PALD1: variants seen among roughly 807,000 people sequenced by gnomAD.
PALD1 encodes phosphatase domain containing paladin 1, also known as paladin.
In PALD1, 57 loss-of-function variants were observed where a neutral mutation model predicts 96.0. The observed-to-expected ratio is 0.59, with a 90% CI of 0.48 to 0.74. The LOEUF is 0.74. Among genes scored for constraint, PALD1 ranks in the 30% least tolerant of loss-of-function variants. PALD1 has a pLI of 0.00. For synonymous variants in PALD1, 464 were observed against 473.6 expected, an observed-to-expected ratio of 0.98 and a Z score of 0.26; for missense variants, 1,063 against 1,143.7, an observed-to-expected ratio of 0.93 and a Z score of 1.02.
At chr10:70,520,691 T>TTC (rs1846715490) in intron 1 of PALD1, among the ~76,000 whole-genome samples, 1 of 135,716 alleles carries the variant, frequency 7.4e-6, no homozygotes, top group Non-Finnish European at 1.6e-5. Context: ...CTTTCTTTTT[T>TTC]TTTTTTTTTT....
chr10:70,468,037 T>A, the PALD1 span, among the ~76,000 whole-genome samples: 1 of 152,138 alleles, frequency 6.6e-6, no homozygotes, highest in African/African-American at 2.4e-5. Context: ...TTATCCCATT[T>A]TACAGATGAA....
intron 1 of PALD1, among the ~76,000 whole-genome samples, chr10:70,525,578 G>A (rs1485133226): frequency 6.6e-6 from 1 of 151,952 alleles, no homozygotes; most frequent in Non-Finnish European, 1.5e-5. Context: ...TATACCACCT[G>A]AAATAGTCAC....
Position 70,499,740 on chromosome 10 carries a change from G to T in PALD1, c.-30+20681G>T, listed in dbSNP as rs112541383. Among the ~76,000 whole-genome samples, 1,339 of 152,314 alleles carry T rather than the reference G, an allele frequency of 8.8e-3. 19 individuals carry two copies. Among genetic ancestry groups the T allele is most frequent in the African/African-American group, 0.031 (1,297 of 41,572 alleles). On this transcript the variant is annotated intron_variant, in intron 1 of 19. Transcript: ENST00000263563. ...GGAGAGCCACAGCTGGCAGGTGCAG[G>T]TTCATTCTTGTGGGTTTTGTTTTGC...
intron 8 of PALD1, 54 bp downstream of exon 8, chr10:70,534,127 A>G (rs1044142805): frequency 5.4e-6 from 8 of 1,482,704 alleles, no homozygotes; most frequent in African/African-American, 1.4e-5. Context: ...AGGAGGGGAC[A>G]GGCTGCCCCA....
chr10:70,546,285 T>G lies in PALD1; in HGVS notation c.2122-1021T>G, dbSNP rs1011346436. 1.4e-4 allele frequency among the ~76,000 whole-genome samples: 21 copies of G among 152,172 alleles called. 1 individual carries two copies. The highest frequency in any genetic ancestry group is 5.1e-4 in the African/African-American group (21 of 41,436). ...CAAAAATAAGCACCTTAGATCAGCT[T>G]AACATTCCATGGGTGCATTGGGGTG... On this transcript the variant is annotated intron_variant, in intron 17 of 19. Coordinates refer to ENST00000263563, the MANE Select transcript of PALD1 (RefSeq NM_014431.3).
At chr10:70,500,081 C>A (rs142961692) in intron 1 of PALD1, among the ~76,000 whole-genome samples, 115 of 152,304 alleles carry the variant, frequency 7.6e-4, no homozygotes, top group Non-Finnish European at 1.4e-3. Context: ...CAGTCAGGGG[C>A]ATCAGGCTGG....
chr10:70,518,392 T>C (rs1447927057), intron 1 of PALD1, among the ~76,000 whole-genome samples: 1 of 152,210 alleles, frequency 6.6e-6, no homozygotes, highest in Non-Finnish European at 1.5e-5. Context: ...GAGAAGGGTA[T>C]GTCTCCATTA....
intron 4 of PALD1, among the ~76,000 whole-genome samples, chr10:70,530,567 G>A (rs778782125): frequency 1.9e-4 from 29 of 152,194 alleles, no homozygotes; most frequent in Admixed American, 5.2e-4. Context: ...ATTCCCAAGT[G>A]CCTGCTTTCA....
intron 2 of PALD1, among the ~76,000 whole-genome samples, chr10:70,528,547 G>A (rs1376720786): frequency 2.0e-5 from 3 of 152,210 alleles, no homozygotes; most frequent in South Asian, 2.1e-4. Context: ...CCAAGCCTGC[G>A]TTCTAAACCA....
intron 4 of PALD1, 67 bp from the exon 5 acceptor site, chr10:70,531,223 G>C: frequency 1.5e-6 from 2 of 1,363,286 alleles, no homozygotes. Context: ...CCCTGAGGTG[G>C]GGCAGTGGTG....
At chr10:70,549,256 C>T (rs1013680019) in intron 18 of PALD1, among the ~76,000 whole-genome samples, 9 of 152,144 alleles carry the variant, frequency 5.9e-5, no homozygotes, top group African/African-American at 2.2e-4. Context: ...AAGTTCCTCC[C>T]ACTTTCAGAG....
At chr10:70,529,821 C>A in intron 3 of PALD1, 68 bp from the exon 4 acceptor site, 2 of 1,438,828 alleles carry the variant, frequency 1.4e-6, no homozygotes, top group South Asian at 1.2e-5. Context: ...GAGCCCAGGA[C>A]AGAGCTCCAT....
At chr10:70,499,923 T>A (rs1441517079) in intron 1 of PALD1, among the ~76,000 whole-genome samples, 2 of 152,212 alleles carry the variant, frequency 1.3e-5, no homozygotes, top group African/African-American at 4.8e-5. Flanking sequence ...TTTGGAGAAA[T>A]GATATGGCAG....
chr10:70,460,016 T>C, the PALD1 span, among the ~76,000 whole-genome samples: 4 of 152,186 alleles, frequency 2.6e-5, no homozygotes, highest in African/African-American at 9.7e-5. Context: ...GCTTGGGTTG[T>C]ATAGGAGAGA....
intron 17 of PALD1, among the ~76,000 whole-genome samples, chr10:70,542,069 T>C (rs1249785556): frequency 6.6e-6 from 1 of 152,170 alleles, no homozygotes; most frequent in Non-Finnish European, 1.5e-5. Context: ...GGCCCATGGC[T>C]GACCCACAGT....
At chr10:70,562,753 C>A (rs1395832396) in intron 18 of PALD1, among the ~76,000 whole-genome samples, 1 of 151,588 alleles carries the variant, frequency 6.6e-6, no homozygotes, top group Non-Finnish European at 1.5e-5. Context: ...CCTTCCATAG[C>A]GTGCAGGGGA....
At chr10:70,506,504 C>T (rs1381324961) in intron 1 of PALD1, among the ~76,000 whole-genome samples, 2 of 152,176 alleles carry the variant, frequency 1.3e-5, no homozygotes, top group African/African-American at 2.4e-5. Flanking sequence ...GCCTGGCACG[C>T]TCTTGGAGTC....
intron 1 of PALD1, among the ~76,000 whole-genome samples, chr10:70,479,643 C>G (rs4746039): frequency 0.8 from 120,816 of 151,910 alleles, 49,393 homozygotes; most frequent in East Asian, 0.93. Context: ...ATGGGAGACC[C>G]GGCTCCTGAA....
At chr10:70,500,781 C>G (rs1405292899) in intron 1 of PALD1, among the ~76,000 whole-genome samples, 3 of 152,212 alleles carry the variant, frequency 2.0e-5, no homozygotes, top group East Asian at 1.9e-4. Flanking sequence ...CTCTCTTGCT[C>G]TGGTCCGTGT....
Sources: allele counts gnomAD v4.1 joint callset (sites outside exome capture counted in the v4.1 genomes callset), GRCh38; gene constraint gnomAD v4.1.1; transcripts MANE v1.5; gene names NCBI Gene and HGNC (gene_info 2026-07-23, HGNC 2026-07-21).